Variants in XYLT1 observed in about 807,000 individuals in gnomAD.
XYLT1 encodes xylosyltransferase 1.
Under a neutral mutation model 91.3 loss-of-function variants are expected in XYLT1, and 36 were observed. That is an observed-to-expected ratio of 0.39 (90% CI 0.30 to 0.52). XYLT1 has a LOEUF of 0.52. Ranked by LOEUF, XYLT1 falls within the 20% of genes least tolerant of loss-of-function variation. The pLI, the probability that XYLT1 is intolerant of heterozygous loss-of-function variation, is 0.68. For missense variants in XYLT1, 1,242 were observed against 1,284.5 expected (o/e 0.97, Z 0.51); for synonymous variants, 588 against 532.0 (o/e 1.11, Z -1.45).
intron 2 of XYLT1, among the ~76,000 whole-genome samples, chr16:17,353,284 T>C (rs2035245833): frequency 6.6e-6 from 1 of 152,092 alleles, no homozygotes; most frequent in African/African-American, 2.4e-5. Flanking sequence ...TTATTATATC[T>C]CCCAACGTAT....
intron 2 of XYLT1, among the ~76,000 whole-genome samples, chr16:17,341,033 A>G (rs941404490): frequency 2.0e-5 from 3 of 152,238 alleles, no homozygotes; most frequent in African/African-American, 7.2e-5. Flanking sequence ...AAGAGGAAAC[A>G]GGAAACCACG....
chr16:17,210,947 C>T (rs926193485), intron 3 of XYLT1, among the ~76,000 whole-genome samples: 1 of 152,212 alleles, frequency 6.6e-6, no homozygotes, highest in Admixed American at 6.5e-5. Flanking sequence ...CAGCAGGTAA[C>T]AGGAGTGCCC....
intron 1 of XYLT1, among the ~76,000 whole-genome samples, chr16:17,367,196 C>A (rs144907503): frequency 6.6e-6 from 1 of 152,178 alleles, no homozygotes; most frequent in Non-Finnish European, 1.5e-5. Flanking sequence ...AGACAATTGG[C>A]GACACTTTAC....
intron 1 of XYLT1, among the ~76,000 whole-genome samples, chr16:17,446,659 T>C (rs971203437): frequency 3.3e-5 from 5 of 152,120 alleles, no homozygotes; most frequent in African/African-American, 1.2e-4. Flanking sequence ...ATTCTGCAGG[T>C]GATCAGGCTG....
At chr16:17,254,176 C>T (rs886733121) in intron 3 of XYLT1, among the ~76,000 whole-genome samples, 2 of 152,310 alleles carry the variant, frequency 1.3e-5, no homozygotes, top group South Asian at 2.1e-4. Context: ...TTGAACCACA[C>T]GGGTCCATTT....
chr16:17,118,542 C>G (rs902214668), intron 10 of XYLT1, among the ~76,000 whole-genome samples: 3 of 152,120 alleles, frequency 2.0e-5, no homozygotes, highest in African/African-American at 7.2e-5. Flanking sequence ...ACAGCTTTGG[C>G]TTTCCCAAGG....
intron 2 of XYLT1, among the ~76,000 whole-genome samples, chr16:17,277,539 A>G (rs550216643): frequency 1.5e-3 from 224 of 152,004 alleles, no homozygotes; most frequent in African/African-American, 4.5e-3. Flanking sequence ...ACAGGGATGC[A>G]CCACCACACC....
chr16:17,162,765 T>C (rs2031585304), intron 5 of XYLT1, among the ~76,000 whole-genome samples: 1 of 152,214 alleles, frequency 6.6e-6, no homozygotes, highest in African/African-American at 2.4e-5. Context: ...CAAAAATGTG[T>C]TTTCAAACAA....
chr16:17,320,636 C>T (rs1167728627), intron 2 of XYLT1, among the ~76,000 whole-genome samples: 2 of 151,394 alleles, frequency 1.3e-5, no homozygotes, highest in African/African-American at 2.4e-5. Context: ...CCCACCACCA[C>T]ACCCAGCTAA....
At chr16:17,157,320 G>A (rs776014813) in intron 6 of XYLT1, among the ~76,000 whole-genome samples, 3 of 152,100 alleles carry the variant, frequency 2.0e-5, no homozygotes, top group Non-Finnish European at 4.4e-5. Flanking sequence ...GTGGATAACT[G>A]GGTAAACTGT....
At chr16:17,248,119 TG>T (rs1383842745) in intron 3 of XYLT1, among the ~76,000 whole-genome samples, 6 of 152,122 alleles carry the variant, frequency 3.9e-5, no homozygotes, top group Admixed American at 1.3e-4. Flanking sequence ...AACTGAATCA[TG>T]GGGGTGAGTT....
In XYLT1 at chr16:17,141,176, A is replaced by C; in HGVS notation, c.1564T>G (p.Ser522Ala). The C allele has an allele frequency of 6.2e-7, 1 of 1,614,242 alleles. No individual in the cohort carries two copies. Among genetic ancestry groups the C allele is most frequent in the Non-Finnish European group, 8.5e-7 (1 of 1,180,034 alleles). Residue 522 changes from serine (S) to alanine (A), a missense_variant, in exon 7 of 12, where the codon TCC (serine) becomes GCC (alanine). Ser to Ala is a moderately conservative substitution (Grantham distance 99, BLOSUM62 1). Coordinates refer to ENST00000261381, the MANE Select transcript of XYLT1 (RefSeq NM_022166.4). ...DLVTKMKQFY[S>A]YTLLPAESFF... is the part of the protein sequence containing the mutation. ...ACCTCAGCAGGAAGCAGGGTGTAGG[A>C]GTAGAACTGTTTCATCTTGGTCACC... is the stretch of plus-strand genomic sequence containing the variant.
chr16:17,240,740 C>A (rs894033465), intron 3 of XYLT1, among the ~76,000 whole-genome samples: 2 of 152,174 alleles, frequency 1.3e-5, no homozygotes, highest in African/African-American at 4.8e-5. Flanking sequence ...TAGCACTGAA[C>A]AAGCACCTAC....
rs763220023 is a variant in XYLT1 at position 17,259,134 on chromosome 16, T to G, written c.767A>C (p.Lys256Thr). Residue 256 changes from lysine to threonine, a missense_variant, in exon 3 of 12, where the codon AAG becomes ACG. By Grantham distance (78) the Lys-to-Thr change is moderately conservative. Around this residue, in one of 3 missense-constraint regions of XYLT1, gnomAD observed 437 missense variants for 411.5 expected, o/e 1.06. Coordinates refer to ENST00000261381, the MANE Select transcript of XYLT1 (RefSeq NM_022166.4). ...GGCCTCCTTGCCTGAGATGTCACAC[T>G]TAGGGGGCTGGTCATACTTGGTCTC... Reference protein sequence around the residue: ...SPETKYDQPPKCDISGKEAIS... With the variant: ...SPETKYDQPPTCDISGKEAIS... The G allele has an allele frequency of 6.3e-7, 1 of 1,588,342 alleles. No individual in the cohort carries two copies. The highest frequency in any genetic ancestry group is 1.8e-5 in the Admixed American group (1 of 55,542).
chr16:17,450,362 C>CAA (rs1195577105), intron 1 of XYLT1, among the ~76,000 whole-genome samples: 10 of 145,438 alleles, frequency 6.9e-5, no homozygotes, highest in Admixed American at 2.7e-4. Flanking sequence ...AACAAACAAA[C>CAA]AAAAAAAAAA....
At chr16:17,220,744 A>G (rs1003810461) in intron 3 of XYLT1, among the ~76,000 whole-genome samples, 1 of 152,198 alleles carries the variant, frequency 6.6e-6, no homozygotes, top group South Asian at 2.1e-4. Context: ...AAGTGTTGGG[A>G]TAACAGGTGT....
chr16:17,252,095 C>T (rs149738803), intron 3 of XYLT1, among the ~76,000 whole-genome samples: 127 of 151,654 alleles, frequency 8.4e-4, no homozygotes, highest in African/African-American at 2.3e-3. Flanking sequence ...TCCTCCATTG[C>T]GACGATTAGG....
At chr16:17,188,593 C>T (rs1294801901) in intron 5 of XYLT1, among the ~76,000 whole-genome samples, 1 of 152,200 alleles carries the variant, frequency 6.6e-6, no homozygotes, top group African/African-American at 2.4e-5. Flanking sequence ...GCCCTCAGTC[C>T]ATGTGAGATT....
At chr16:17,237,203 C>A (rs2033262231) in intron 3 of XYLT1, among the ~76,000 whole-genome samples, 1 of 152,208 alleles carries the variant, frequency 6.6e-6, no homozygotes, top group Non-Finnish European at 1.5e-5. Flanking sequence ...TACTGGTATT[C>A]AACTTACAAT....
Sources: allele counts gnomAD v4.1 joint callset (sites outside exome capture counted in the v4.1 genomes callset), GRCh38; gene constraint gnomAD v4.1.1; regional missense constraint gnomAD v4.1.1; transcripts MANE v1.5; gene names NCBI Gene and HGNC (gene_info 2026-07-23, HGNC 2026-07-21).